Variants in RACGAP1 observed in about 807,000 individuals in gnomAD.
RACGAP1 encodes rac GTPase-activating protein 1.
A neutral mutation model predicts 78.1 loss-of-function variants in RACGAP1; 30 were observed. That is an observed-to-expected ratio of 0.38 (90% CI 0.29 to 0.52). RACGAP1 has a LOEUF of 0.52. Ranked by LOEUF, RACGAP1 falls within the 20% of genes least tolerant of loss-of-function variation. The probability of loss-of-function intolerance (pLI) is 0.82; values close to 1 mark genes in which losing one functional copy is unlikely to be tolerated. For missense variants in RACGAP1, 587 were observed against 777.1 expected, an observed-to-expected ratio of 0.76 and a Z score of 2.91; for synonymous variants, 231 against 264.8, an observed-to-expected ratio of 0.87 and a Z score of 1.24.
intron 2 of RACGAP1, among the ~76,000 whole-genome samples, chr12:50,011,074 C>A (rs1016028798): frequency 6.6e-6 from 1 of 152,142 alleles, no homozygotes; most frequent in Non-Finnish European, 1.5e-5. Context: ...CAGAGGCTCA[C>A]GCCTGTAATG....
rs35573059 is a variant in RACGAP1 at position 50,015,042 on chromosome 12, CAAAAAAAA to C, written c.85+1581_85+1588del. Among the ~76,000 whole-genome samples, 6 of 120,974 alleles carry C rather than the reference CAAAAAAAA, an allele frequency of 5.0e-5. No homozygotes were observed. In the South Asian group the frequency reaches 1.7e-3, roughly 35 times the overall value. 79.4% of individuals were successfully genotyped at this position (120,974 alleles called of 152,430 possible). Reference sequence around the variant, plus strand: ...TGGGTGACAGAGTGAGATTCTGTCTCAAAAAAAAAAAAAAAAAGAGAGAGATGGGGTTT... The same window carrying C: ...TGGGTGACAGAGTGAGATTCTGTCTCAAAAAAAAAGAGAGAGATGGGGTTT... On this transcript the variant is annotated intron_variant, in intron 2 of 16. Coordinates refer to ENST00000312377, the MANE Select transcript of RACGAP1 (RefSeq NM_001319999.2).
intron 8 of RACGAP1, 69 bp downstream of exon 8, chr12:49,999,547 A>G: frequency 7.2e-7 from 1 of 1,389,572 alleles, no homozygotes; most frequent in Non-Finnish European, 1.0e-6. Context: ...AGAGGGTTCT[A>G]AGAAACCAAC....
At chr12:50,000,092 C>G (rs1592154305) in intron 7 of RACGAP1, among the ~76,000 whole-genome samples, 2 of 140,148 alleles carry the variant, frequency 1.4e-5, no homozygotes, top group Non-Finnish European at 3.0e-5. Context: ...CGGCTGACTG[C>G]AAGCTCCACC....
upstream of RACGAP1, among the ~76,000 whole-genome samples, chr12:50,027,949 A>G (rs1015539638): frequency 6.6e-6 from 1 of 152,172 alleles, no homozygotes; most frequent in Non-Finnish European, 1.5e-5. Context: ...ATGCTTCTTG[A>G]GTAGCTTTGG....
At chr12:49,992,697 C>A (rs752183253) in intron 12 of RACGAP1, 42 bp from the exon 13 acceptor site, 1 of 1,507,436 alleles carries the variant, frequency 6.6e-7, no homozygotes, top group Admixed American at 1.9e-5. Context: ...AGACTTCTTT[C>A]CCTTGACAGC....
At chr12:50,016,760 C>T (rs1222154175) in intron 1 of RACGAP1, 41 bp from the exon 2 acceptor site, 25 of 1,589,730 alleles carry the variant, frequency 1.6e-5, no homozygotes, top group African/African-American at 2.7e-5. Flanking sequence ...CCTGCCTTCT[C>T]GCCCACAACA....
intron 5 of RACGAP1, among the ~76,000 whole-genome samples, chr12:50,003,781 T>C (rs1948820441): frequency 6.6e-6 from 1 of 152,230 alleles, no homozygotes; most frequent in Non-Finnish European, 1.5e-5. Flanking sequence ...CACACTTTTC[T>C]GGCTGAAATC....
intron 3 of RACGAP1, 77 bp downstream of exon 3, chr12:50,006,357 T>C (rs1948972102): frequency 4.7e-6 from 7 of 1,499,874 alleles, no homozygotes; most frequent in South Asian, 1.1e-5. Flanking sequence ...CTAGGTATAT[T>C]TGGCAAGTGG....
At position 49,992,366 on chromosome 12, in the gene RACGAP1, C is replaced by T. The variant is rs760524355; in HGVS notation, c.1457G>A (p.Ser486Asn). Residue 486 changes from serine to asparagine, a missense_variant, in exon 14 of 17, where the codon AGT (serine) becomes AAT (asparagine). Ser to Asn is a conservative substitution (Grantham distance 46). Coordinates refer to ENST00000312377, the MANE Select transcript of RACGAP1 (RefSeq NM_001319999.2). ...GGCAACATCCATTTTAGTATGTGGA[C>T]TCTGAGCCACTCTAAGCAAAAGAAT... ...LMIHLQRVAQ[S>N]PHTKMDVANL... 2 of 1,613,930 alleles carry T rather than the reference C, an allele frequency of 1.2e-6. No individual in the cohort carries two copies. The highest frequency in any genetic ancestry group is 2.2e-5 in the East Asian group (1 of 44,892).
chr12:50,015,697 G>A (rs999363347), intron 2 of RACGAP1, among the ~76,000 whole-genome samples: 2 of 151,894 alleles, frequency 1.3e-5, no homozygotes, highest in East Asian at 3.9e-4. Context: ...AGCTACTCAG[G>A]AGGCTGAGGC....
intron 15 of RACGAP1, among the ~76,000 whole-genome samples, chr12:49,991,544 G>C (rs1565654568): frequency 7.6e-6 from 1 of 130,764 alleles, no homozygotes; most frequent in Non-Finnish European, 1.6e-5. Flanking sequence ...CTGGAGTGCA[G>C]TGGCGGGATC....
At chr12:50,021,594 C>T (rs1007834488) in intron 1 of RACGAP1, among the ~76,000 whole-genome samples, 3 of 152,164 alleles carry the variant, frequency 2.0e-5, no homozygotes, top group Admixed American at 6.6e-5. Context: ...AGTCTCTATC[C>T]TCTTCTTCCT....
intron 2 of RACGAP1, among the ~76,000 whole-genome samples, chr12:50,007,905 GTTTT>G (rs534812284): frequency 7.1e-6 from 1 of 141,592 alleles, no homozygotes; most frequent in Non-Finnish European, 1.5e-5. Flanking sequence ...TTTTTTGTGG[GTTTT>G]TTTTTTTAGC....
In RACGAP1 at chr12:50,019,065, T is replaced by G. The variant is rs530529355; in HGVS notation, c.-4-2346A>C. On this transcript the variant is annotated intron_variant, in intron 1 of 16. Coordinates refer to ENST00000312377, the MANE Select transcript of RACGAP1 (RefSeq NM_001319999.2). Reference sequence around the variant, plus strand: ...TGACTTCCAATTTTGATTTCCCTATTTTTATCATTCTCTCAGTCGCTCAGT... The same window carrying G: ...TGACTTCCAATTTTGATTTCCCTATGTTTATCATTCTCTCAGTCGCTCAGT... 1.0e-3 allele frequency among the ~76,000 whole-genome samples: 156 copies of G among 152,282 alleles called. 2 individuals carry two copies. The highest frequency in any genetic ancestry group is 3.5e-3 in the African/African-American group (147 of 41,552).
intron 2 of RACGAP1, among the ~76,000 whole-genome samples, chr12:50,008,768 T>C (rs991494951): frequency 1.3e-5 from 2 of 152,082 alleles, no homozygotes; most frequent in Non-Finnish European, 1.5e-5. Flanking sequence ...GCTAGGATTA[T>C]AGGCATAAGC....
intron 5 of RACGAP1, 57 bp from the exon 6 acceptor site, chr12:50,002,357 T>C (rs1948735005): frequency 6.9e-7 from 1 of 1,449,442 alleles, no homozygotes; most frequent in Non-Finnish European, 9.5e-7. Context: ...CCCTAAACCC[T>C]GTGCAAATAA....
intron 8 of RACGAP1, 156 bp downstream of exon 8, chr12:49,999,460 A>G: frequency 1.0e-6 from 1 of 982,742 alleles, no homozygotes; most frequent in South Asian, 1.7e-5. Flanking sequence ...TTCAAAGGTA[A>G]AGCATGACAC....
In RACGAP1 at chr12:50,001,152, C is replaced by G. The variant is rs1948650533; in HGVS notation, c.630+20G>C. 1 of 1,549,742 alleles carries G rather than the reference C, an allele frequency of 6.5e-7. No homozygotes were observed. Among genetic ancestry groups the G allele is most frequent in the African/African-American group, 1.4e-5 (1 of 73,596 alleles). On this transcript the variant is annotated intron_variant, in intron 7 of 16. Coordinates refer to ENST00000312377, the MANE Select transcript of RACGAP1 (RefSeq NM_001319999.2). ...GCTTGGGGCCAGTAATCTCTGTTAC[C>G]TTGGCCTGACTATTCTTACCTGGTC...
At chr12:49,995,349 A>AAAAACAAAACAAAAC (rs148130509) in intron 10 of RACGAP1, among the ~76,000 whole-genome samples, 29 of 151,148 alleles carry the variant, frequency 1.9e-4, no homozygotes, top group Non-Finnish European at 2.8e-4. Flanking sequence ...ACTCCCTCTC[A>AAAAACAAAACAAAAC]AAAACAAAAC....
Sources: allele counts gnomAD v4.1 joint callset (sites outside exome capture counted in the v4.1 genomes callset), GRCh38; gene constraint gnomAD v4.1.1; transcripts MANE v1.5; gene names NCBI Gene and HGNC (gene_info 2026-07-23, HGNC 2026-07-21).